The following MUC22 variants were observed in gnomAD, a reference collection of about 807,000 sequenced individuals.
The protein encoded by MUC22 is mucin 22.
A neutral mutation model predicts 40.3 loss-of-function variants in MUC22; 24 were observed. The observed-to-expected ratio is 0.60, with a 90% confidence interval of 0.43 to 0.84. The LOEUF (loss-of-function observed/expected upper bound fraction) is 0.84. Among genes scored for constraint, MUC22 ranks in the 40% least tolerant of loss-of-function variants. MUC22 has a pLI of 0.00. For synonymous variants in MUC22, 765 were observed against 844.5 expected (o/e 0.91, Z 1.63); for missense variants, 1,926 against 2,130.7 (o/e 0.90, Z 1.89).
In MUC22 at chr6:31,011,744, G is replaced by A. The variant is rs1204251292; in HGVS notation, c.70+968G>A. On this transcript the variant is annotated intron_variant, in intron 1 of 3. Coordinates refer to ENST00000561890, the Ensembl canonical transcript of MUC22. The surrounding 1 kb of genome is among the most constrained non-coding windows in gnomAD (Gnocchi z 4.5). The stretch of plus-strand genomic sequence containing the variant: ...GGATCAAATGGTAGATCTACTTTTA[G>A]TTCTTTAAGAAATCTCCACACTGTT... Among the ~76,000 whole-genome samples, 1 of 152,178 alleles carries A rather than the reference G, an allele frequency of 6.6e-6. No individual in the cohort carries two copies. Among genetic ancestry groups the A allele is most frequent in the East Asian group, 1.9e-4 (1 of 5,196 alleles).
exon 2 of MUC22, chr6:31,029,579 C>T: frequency 6.5e-7 from 1 of 1,531,074 alleles, no homozygotes. Context: ...ACCACTAGCT[C>T]TGAGACCACC....
At chr6:31,035,063 A>T (rs1766357431) in exon 4 of MUC22, 2 of 987,864 alleles carry the variant, frequency 2.0e-6, no homozygotes, top group African/African-American at 3.3e-5. Flanking sequence ...GGAGAAAAAA[A>T]TAATGATCAT....
At chr6:31,025,550 C>T in exon 2 of MUC22, 5 of 1,526,560 alleles carry the variant, frequency 3.3e-6, no homozygotes, top group Non-Finnish European at 4.4e-6. Context: ...ACCACCACAG[C>T]CTCCATCACA....
intron 1 of MUC22, among the ~76,000 whole-genome samples, chr6:31,021,807 A>G (rs1764772090): frequency 6.6e-6 from 1 of 152,136 alleles, no homozygotes; most frequent in Non-Finnish European, 1.5e-5. Context: ...TAAGAGAATA[A>G]AAGCAGGCTG....
chr6:31,013,403 G>A (rs371128329), intron 1 of MUC22, among the ~76,000 whole-genome samples: 5 of 151,208 alleles, frequency 3.3e-5, no homozygotes, highest in African/African-American at 4.8e-5. Context: ...CTGGGATTAC[G>A]GGTGTGAGCT....
chr6:31,032,554 A>T lies in MUC22; in HGVS notation c.5028A>T (p.Gly1676=). The T allele has an allele frequency of 6.5e-7, 1 of 1,535,310 alleles. No individual in the cohort carries two copies. The highest frequency in any genetic ancestry group is 8.7e-7 in the Non-Finnish European group (1 of 1,146,722). ...TGGCTGCAGTTGTGGCTGCTGTTGG[A>T]TTGTCAGTAGGACTGAGTTTTTGTC... Residue 1676 remains glycine (G), a synonymous_variant, in exon 3 of 4, where the codon GGA becomes GGT. Coordinates refer to ENST00000561890, the Ensembl canonical transcript of MUC22. This position sits in a 1 kb window ranked among gnomAD's most constrained non-coding sequence, Gnocchi z 4.1.
chr6:31,031,215 C>T (rs373794012), intron 2 of MUC22, among the ~76,000 whole-genome samples: 3 of 152,212 alleles, frequency 2.0e-5, no homozygotes, highest in Admixed American at 6.5e-5. Context: ...TGTGTTGATT[C>T]GTGCTCACAC....
exon 2 of MUC22, chr6:31,029,475 C>A (rs867285302): frequency 6.5e-7 from 1 of 1,534,514 alleles, no homozygotes; most frequent in Admixed American, 2.0e-5. Flanking sequence ...CCACCACAGC[C>A]TCTACCGCAG....
Position 31,026,909 on chromosome 6 carries a change from GC to G in MUC22, c.1479del (p.Ser494LeufsTer68), listed in dbSNP as rs1765431411. On this transcript the variant is annotated frameshift_variant, in exon 2 of 4. Transcript: ENST00000561890. LOFTEE classifies it high-confidence loss of function. ...GAGACCACCAAAGTCTCAACTGCAG[GC>G]TCTGAGACCACAGTCTCCACTGCAG... The G allele has an allele frequency of 6.6e-7, 1 of 1,503,854 alleles. No individual in the cohort carries two copies. Among genetic ancestry groups the G allele is most frequent in the Non-Finnish European group, 8.9e-7 (1 of 1,126,496 alleles). 93.2% of individuals were successfully genotyped at this position (1,503,854 alleles called of 1,614,324 possible).
At chr6:31,029,673 G>A (rs2150804177) in exon 2 of MUC22, 1 of 1,534,804 alleles carries the variant, frequency 6.5e-7, no homozygotes, top group Admixed American at 2.0e-5. Flanking sequence ...TAGGCTCTGA[G>A]GCCACCACAT....
upstream of MUC22, among the ~76,000 whole-genome samples, chr6:31,008,107 A>G (rs1763625602): frequency 6.6e-6 from 1 of 152,274 alleles, no homozygotes; most frequent in Admixed American, 6.5e-5. Flanking sequence ...GGCCAGACTC[A>G]AAGTCCTGTT....
chr6:31,018,327 T>C (rs982405818), intron 1 of MUC22, among the ~76,000 whole-genome samples: 1 of 152,234 alleles, frequency 6.6e-6, no homozygotes, highest in Non-Finnish European at 1.5e-5. Flanking sequence ...TCAACTATCC[T>C]TCCTGTATTT....
At chr6:31,020,364 A>G (rs1403898777) in intron 1 of MUC22, among the ~76,000 whole-genome samples, 3 of 152,272 alleles carry the variant, frequency 2.0e-5, no homozygotes, top group Admixed American at 1.3e-4. Context: ...CGGAGTAAGA[A>G]TATTTTCAAT....
At chr6:31,022,105 G>A (rs932028317) in intron 1 of MUC22, among the ~76,000 whole-genome samples, 8 of 151,986 alleles carry the variant, frequency 5.3e-5, no homozygotes, top group African/African-American at 1.7e-4. Context: ...AAACCCACCA[G>A]AAGGAAGAAA....
intron 1 of MUC22, among the ~76,000 whole-genome samples, chr6:31,025,014 C>T (rs921109176): frequency 6.6e-6 from 1 of 151,512 alleles, no homozygotes; most frequent in African/African-American, 2.4e-5. Flanking sequence ...GGATTATAGG[C>T]ATGCGCCACC....
chr6:31,027,540 T>C, exon 2 of MUC22: 11 of 1,529,082 alleles, frequency 7.2e-6, no homozygotes, highest in Non-Finnish European at 9.6e-6. Context: ...CTTCAGACTC[T>C]GAGACCACCA....
chr6:31,029,860 A>G, exon 2 of MUC22: 1 of 1,534,122 alleles, frequency 6.5e-7, no homozygotes, highest in South Asian at 1.2e-5. Context: ...TGAGACCTCC[A>G]CACCCTCCAG....
exon 2 of MUC22, chr6:31,027,777 C>T: frequency 6.5e-7 from 1 of 1,531,808 alleles, no homozygotes; most frequent in Non-Finnish European, 8.7e-7. Flanking sequence ...CTACTGAAGG[C>T]TCTGAGAACA....
chr6:31,025,893 C>T (rs758103605), exon 2 of MUC22: 1 of 1,535,262 alleles, frequency 6.5e-7, no homozygotes, highest in South Asian at 1.2e-5. Context: ...CTACCATGGC[C>T]TCCAGCACAA....
Sources: allele counts gnomAD v4.1 joint callset (sites outside exome capture counted in the v4.1 genomes callset), GRCh38; gene constraint gnomAD v4.1.1; non-coding constraint Gnocchi (gnomAD v3.1); transcripts MANE v1.5; gene names NCBI Gene and HGNC (gene_info 2026-07-23, HGNC 2026-07-21).